Variants in ZFAND6 observed in about 807,000 individuals in gnomAD.
The protein encoded by ZFAND6 is zinc finger AN1-type containing 6.
In ZFAND6, 12 loss-of-function variants were observed where a neutral mutation model predicts 24.5. The ratio of observed to expected loss-of-function variants is 0.49; its 90% CI spans 0.31 to 0.79. The LOEUF (loss-of-function observed/expected upper bound fraction) is 0.79. Ranked by LOEUF, ZFAND6 falls within the 30% of genes least tolerant of loss-of-function variation. ZFAND6 has a pLI of 0.04. For synonymous variants in ZFAND6, 92 were observed against 81.5 expected, an observed-to-expected ratio of 1.13 and a Z score of -0.69; for missense variants, 207 against 245.9, an observed-to-expected ratio of 0.84 and a Z score of 1.06.
intron 1 of ZFAND6, among the ~76,000 whole-genome samples, chr15:80,090,561 A>G (rs1472067227): frequency 1.3e-5 from 2 of 152,180 alleles, no homozygotes; most frequent in African/African-American, 2.4e-5. Context: ...TGACTTACCT[A>G]CTAGCTCTTA....
chr15:80,059,607 G>A (rs1363770813), upstream of ZFAND6: 1 of 152,256 alleles, frequency 6.6e-6, no homozygotes, highest in East Asian at 1.9e-4. Context: ...GTCAGCCGCG[G>A]GAGCCGGCCA....
intron 1 of ZFAND6, among the ~76,000 whole-genome samples, chr15:80,079,872 C>T (rs1411178585): frequency 1.3e-5 from 2 of 151,596 alleles, no homozygotes; most frequent in Admixed American, 6.6e-5. Flanking sequence ...AGGATGGTCT[C>T]GATCTCCTGA....
intron 6 of ZFAND6, among the ~76,000 whole-genome samples, chr15:80,137,138 T>A (rs943828267): frequency 6.6e-6 from 1 of 152,260 alleles, no homozygotes; most frequent in African/African-American, 2.4e-5. Flanking sequence ...GACTGCCTTC[T>A]GACAGTAGGC....
chr15:80,125,189 A>C (rs965725257), intron 5 of ZFAND6, among the ~76,000 whole-genome samples: 1 of 152,134 alleles, frequency 6.6e-6, no homozygotes, highest in African/African-American at 2.4e-5. Context: ...ATGATTAGAC[A>C]GTTGTGGAGC....
chr15:80,131,326 ATGATG>A (rs756222684), intron 6 of ZFAND6, 33 bp downstream of exon 6: 1 of 1,573,450 alleles, frequency 6.4e-7, no homozygotes, highest in African/African-American at 1.4e-5. Flanking sequence ...TAAAATTAAA[ATGATG>A]TTTTATAATA....
rs2039672007 is a variant in ZFAND6, at chr15:80,112,722, A to G, written c.-17-7606A>G. On this transcript the variant is annotated intron_variant, in intron 2 of 6. Coordinates refer to ENST00000261749, the MANE Select transcript of ZFAND6 (RefSeq NM_019006.4). The stretch of plus-strand genomic sequence containing the variant: ...GATTTTTTTTATCATCTCTGCAAAA[A>G]GGTTACTGCTGCTCCTTACCATCCC... 1.5e-5 allele frequency: 7 copies of G among 452,608 alleles called. 1 individual carries two copies. The highest frequency in any genetic ancestry group is 1.1e-4 in the South Asian group (7 of 63,920). The allele number at this position is 452,608 out of a possible 1,614,324, so 28.0% of individuals were successfully genotyped here.
intron 2 of ZFAND6, among the ~76,000 whole-genome samples, chr15:80,107,108 G>A (rs2039369527): frequency 2.0e-5 from 3 of 152,132 alleles, no homozygotes; most frequent in Non-Finnish European, 4.4e-5. Context: ...TCAGCTAGTC[G>A]GGAGGCTGAG....
intron 1 of ZFAND6, among the ~76,000 whole-genome samples, chr15:80,063,768 C>T (rs956202043): frequency 6.6e-6 from 1 of 152,182 alleles, no homozygotes; most frequent in Non-Finnish European, 1.5e-5. Flanking sequence ...CCAGCCTGGT[C>T]TCAAACTCCT....
intron 2 of ZFAND6, 77 bp from the exon 3 acceptor site, chr15:80,120,251 A>AT: frequency 8.1e-7 from 1 of 1,234,190 alleles, no homozygotes; most frequent in Non-Finnish European, 1.1e-6. Context: ...TTTCTTTATC[A>AT]TATAAAAGCA....
chr15:80,127,320 G>A (rs1023434484), intron 5 of ZFAND6, among the ~76,000 whole-genome samples: 5 of 151,134 alleles, frequency 3.3e-5, no homozygotes, highest in African/African-American at 1.2e-4. Flanking sequence ...GGGTGCGGTG[G>A]TTCACATCTG....
chr15:80,085,983 G>A (rs546773388), intron 1 of ZFAND6, among the ~76,000 whole-genome samples: 12 of 152,196 alleles, frequency 7.9e-5, no homozygotes, highest in Admixed American at 2.0e-4. Flanking sequence ...ACCAGTAGAC[G>A]TATTAATTTT....
At chr15:80,099,577 C>G (rs1431490108) in intron 2 of ZFAND6, among the ~76,000 whole-genome samples, 4 of 142,080 alleles carry the variant, frequency 2.8e-5, no homozygotes, top group African/African-American at 1.0e-4. Flanking sequence ...AATGAGAAAA[C>G]ATTTAGAAAA....
chr15:80,133,872 T>C (rs933566191), intron 6 of ZFAND6, among the ~76,000 whole-genome samples: 14 of 152,186 alleles, frequency 9.2e-5, no homozygotes, highest in Non-Finnish European at 2.1e-4. Flanking sequence ...CTTTTGGTTG[T>C]ACAACAGGAA....
chr15:80,094,468 C>A (rs746686593), intron 1 of ZFAND6, among the ~76,000 whole-genome samples: 3 of 151,930 alleles, frequency 2.0e-5, no homozygotes, highest in Non-Finnish European at 4.4e-5. Context: ...TCCCGCCCAC[C>A]CCTACCCCCT....
intron 5 of ZFAND6, 97 bp downstream of exon 5, chr15:80,122,897 A>T: frequency 1.3e-6 from 1 of 793,336 alleles, no homozygotes; most frequent in East Asian, 2.7e-5. Context: ...CTTAAAATAC[A>T]TGTTTTTCTG....
At chr15:80,077,697 CTTTTTTTTTTTTT>C (rs11441423) in intron 1 of ZFAND6, among the ~76,000 whole-genome samples, 2 of 115,296 alleles carry the variant, frequency 1.7e-5, no homozygotes. Flanking sequence ...AGTTTTCTTT[CTTTTTTTTTTTTT>C]TTTTTTGGAG....
chr15:80,136,870 C>A (rs2040889186), intron 6 of ZFAND6, among the ~76,000 whole-genome samples: 2 of 152,154 alleles, frequency 1.3e-5, no homozygotes, highest in South Asian at 4.1e-4. Flanking sequence ...TAAATTCCTT[C>A]CTCATTTAAT....
chr15:80,106,763 A>G (rs2039350802), intron 2 of ZFAND6, among the ~76,000 whole-genome samples: 1 of 152,204 alleles, frequency 6.6e-6, no homozygotes, highest in South Asian at 2.1e-4. Flanking sequence ...ATGGGAGACT[A>G]ATTAAGAACT....
chr15:80,098,068 G>C, intron 1 of ZFAND6, among the ~76,000 whole-genome samples: 1 of 152,172 alleles, frequency 6.6e-6, no homozygotes, highest in Non-Finnish European at 1.5e-5. Context: ...TCCACTGACT[G>C]TTGGTAAAAG....
Sources: gnomAD v4.1 joint callset for allele counts (sites outside exome capture counted in the v4.1 genomes callset) on GRCh38, gnomAD v4.1.1 for gene constraint, MANE v1.5 for transcripts, NCBI Gene and HGNC (gene_info 2026-07-23, HGNC 2026-07-21) for gene names.